MYO5B: variants seen among roughly 807,000 people sequenced by gnomAD.
MYO5B encodes the protein unconventional myosin-Vb.
A neutral mutation model predicts 229.3 loss-of-function variants in MYO5B; 143 were observed. That is an observed-to-expected ratio of 0.62 (90% CI 0.54 to 0.72). The LOEUF (loss-of-function observed/expected upper bound fraction) is 0.72. MYO5B is among the 30% of genes least tolerant of loss of function. MYO5B has a pLI of 0.00. For synonymous variants in MYO5B, 918 were observed against 885.2 expected (o/e 1.04, Z -0.66); for missense variants, 2,321 against 2,331.0 (o/e 1.00, Z 0.09).
At chr18:49,923,851 G>A (rs1209969926) in intron 17 of MYO5B, among the ~76,000 whole-genome samples, 2 of 152,100 alleles carry the variant, frequency 1.3e-5, no homozygotes. Context: ...ATATCTCATT[G>A]TCACATGCTT....
chr18:49,849,736 T>C (rs2024175710), intron 31 of MYO5B, 76 bp from the exon 32 acceptor site: 1 of 1,155,570 alleles, frequency 8.7e-7, no homozygotes, highest in Admixed American at 1.7e-5. Flanking sequence ...CTGCTTGCAG[T>C]TGGAGGTGAC....
chr18:50,020,539 C>A (rs2026262874), intron 4 of MYO5B, among the ~76,000 whole-genome samples: 2 of 152,200 alleles, frequency 1.3e-5, no homozygotes, highest in Admixed American at 1.3e-4. Flanking sequence ...GCTTCAACCT[C>A]CCTGCCTACA....
intron 16 of MYO5B, among the ~76,000 whole-genome samples, chr18:49,931,203 A>C (rs889923838): frequency 1.3e-5 from 2 of 152,086 alleles, no homozygotes; most frequent in Non-Finnish European, 2.9e-5. Context: ...TGGCACTGGA[A>C]AACAGTGGGC....
chr18:49,899,286 C>T (rs1454730297), intron 21 of MYO5B, among the ~76,000 whole-genome samples: 1 of 152,168 alleles, frequency 6.6e-6, no homozygotes, highest in African/African-American at 2.4e-5. Context: ...ACAGCTGGCC[C>T]CATCTGCTAA....
intron 1 of MYO5B, among the ~76,000 whole-genome samples, chr18:50,130,322 T>G (rs1488194924): frequency 6.6e-6 from 1 of 152,230 alleles, no homozygotes; most frequent in Non-Finnish European, 1.5e-5. Context: ...GGACTTATAA[T>G]TAAGTTTTCT....
chr18:50,110,324 C>T (rs1434735821), intron 1 of MYO5B, among the ~76,000 whole-genome samples: 2 of 152,154 alleles, frequency 1.3e-5, no homozygotes, highest in African/African-American at 2.4e-5. Context: ...GCTTATCTCC[C>T]TCACCATGAG....
rs556151734 is a variant in MYO5B at position 49,968,904 on chromosome 18, G to C, written c.1322+5446C>G. On this transcript the variant is annotated intron_variant, in intron 10 of 39. Transcript: ENST00000285039. ...TACTGGCATGGACAGAGAGAACATG[G>C]AACTTCATCTGAGCCTTGGAAGCAC... 5.3e-5 allele frequency among the ~76,000 whole-genome samples: 8 copies of C among 152,308 alleles called. No individual in the cohort carries two copies. The South Asian group carries it at 1.7e-3, about 32-fold the overall frequency.
At chr18:50,070,018 C>CTTTTTTTTTTTTTTTTTTTTTT (rs765610800) in intron 1 of MYO5B, among the ~76,000 whole-genome samples, 2 of 110,064 alleles carry the variant, frequency 1.8e-5, no homozygotes, top group African/African-American at 7.5e-5. Context: ...GCAATTTAGT[C>CTTTTTTTTTTTTTTTTTTTTTT]TTTTTTTTTT....
chr18:50,155,694 T>C (rs2032667551), intron 1 of MYO5B, among the ~76,000 whole-genome samples: 1 of 152,218 alleles, frequency 6.6e-6, no homozygotes, highest in Admixed American at 6.5e-5. Context: ...AAGCTAAGTG[T>C]GTTCAAGTAA....
At chr18:50,154,178 GAGAA>G (rs1254430343) in intron 1 of MYO5B, among the ~76,000 whole-genome samples, 4 of 152,202 alleles carry the variant, frequency 2.6e-5, no homozygotes, top group Non-Finnish European at 5.9e-5. Flanking sequence ...GGCTACCTCT[GAGAA>G]AGAAAGAAGG....
At position 49,864,395 on chromosome 18, in the gene MYO5B, A is replaced by G. The variant is rs1462564581; in HGVS notation, c.3604-15T>C. The G allele has an allele frequency of 1.9e-6, 3 of 1,612,208 alleles. No homozygotes were observed. The Admixed American group carries it at 5.0e-5, about 27-fold the overall frequency. On this transcript the variant is annotated splice_polypyrimidine_tract_variant and intron_variant, in intron 27 of 39. Transcript: ENST00000285039. ...AGCTCTTGCCTCTGGAAGACAGCCC[A>G]AGGGCCGCTGCCATTACTCCCTGCC...
At chr18:50,172,387 GA>G (rs908305952) in intron 1 of MYO5B, among the ~76,000 whole-genome samples, 19 of 150,424 alleles carry the variant, frequency 1.3e-4, no homozygotes, top group African/African-American at 4.4e-4. Flanking sequence ...GCCCAGATAA[GA>G]AAGTACACTG....
intron 1 of MYO5B, among the ~76,000 whole-genome samples, chr18:50,115,523 AAC>A (rs111340318): frequency 0.012 from 1,714 of 144,792 alleles, 42 homozygotes; most frequent in African/African-American, 0.04. Flanking sequence ...AAATAAATAA[AAC>A]ACACACACAC....
intron 33 of MYO5B, among the ~76,000 whole-genome samples, chr18:49,846,900 G>C (rs562360795): frequency 6.6e-6 from 1 of 151,820 alleles, no homozygotes; most frequent in South Asian, 2.1e-4. Context: ...CCATCGTATG[G>C]GCAGAACAAA....
intron 4 of MYO5B, among the ~76,000 whole-genome samples, chr18:50,007,571 G>A (rs1181103889): frequency 1.3e-5 from 2 of 152,140 alleles, no homozygotes; most frequent in African/African-American, 4.8e-5. Flanking sequence ...GGCCCTGGGG[G>A]ACCGAGCACC....
chr18:49,871,024 C>T (rs1324494652), intron 27 of MYO5B, among the ~76,000 whole-genome samples: 3 of 152,126 alleles, frequency 2.0e-5, no homozygotes, highest in Non-Finnish European at 4.4e-5. Context: ...TTCACAATAG[C>T]CAAAACAGAG....
chr18:49,980,630 A>ATT (rs879048178), intron 8 of MYO5B, 77 bp from the exon 9 acceptor site: 47 of 892,904 alleles, frequency 5.3e-5, no homozygotes, highest in African/African-American at 3.3e-4. Context: ...TTTTAAGGAC[A>ATT]TTTTTTTTTT....
chr18:50,067,237 G>A (rs1472435551), intron 1 of MYO5B, among the ~76,000 whole-genome samples: 3 of 152,210 alleles, frequency 2.0e-5, no homozygotes, highest in Admixed American at 1.3e-4. Flanking sequence ...AAAGAGAGCT[G>A]TCACTGTGAA....
At chr18:49,934,991 C>T (rs79393918) in intron 16 of MYO5B, among the ~76,000 whole-genome samples, 3,060 of 152,228 alleles carry the variant, frequency 0.02, 99 homozygotes, top group African/African-American at 0.066. Context: ...AATACACCTC[C>T]TCTGGCCAGA....
Sources: gnomAD v4.1 joint callset for allele counts (sites outside exome capture counted in the v4.1 genomes callset) on GRCh38, gnomAD v4.1.1 for gene constraint, MANE v1.5 for transcripts, NCBI Gene and HGNC (gene_info 2026-07-23, HGNC 2026-07-21) for gene names.